Variants in TPTE2 observed in about 807,000 individuals in gnomAD.
TPTE2 encodes the protein phosphatidylinositol 3,4,5-trisphosphate 3-phosphatase TPTE2.
Under a neutral mutation model 78.6 loss-of-function variants are expected in TPTE2, and 53 were observed. The ratio of observed to expected loss-of-function variants is 0.67; its 90% CI spans 0.54 to 0.85. The LOEUF (loss-of-function observed/expected upper bound fraction) is 0.85, where lower values mean the gene tolerates loss of function less well. Among genes scored for constraint, TPTE2 ranks in the 40% least tolerant of loss-of-function variants. TPTE2 has a pLI of 0.00. For missense variants in TPTE2, 461 were observed against 623.0 expected, an observed-to-expected ratio of 0.74 and a Z score of 2.77; for synonymous variants, 175 against 206.2, an observed-to-expected ratio of 0.85 and a Z score of 1.30.
At chr13:19,509,314 C>T (rs2932160) in intron 1 of TPTE2, among the ~76,000 whole-genome samples, 30,206 of 151,856 alleles carry the variant, frequency 0.2, 4,288 homozygotes, top group African/African-American at 0.4. Flanking sequence ...AAGAAAAAAC[C>T]GTGGAGAAGA....
intron 3 of TPTE2, among the ~76,000 whole-genome samples, chr13:19,491,948 C>G (rs956895499): frequency 6.6e-6 from 1 of 152,146 alleles, no homozygotes; most frequent in African/African-American, 2.4e-5. Context: ...AACTCACATG[C>G]TATTGCTTAA....
upstream of TPTE2, among the ~76,000 whole-genome samples, chr13:19,538,200 T>C (rs113197111): frequency 0.026 from 4,033 of 152,258 alleles, 193 homozygotes; most frequent in African/African-American, 0.092. Context: ...CATAAAGATA[T>C]TCTCCTGTAT....
intron 6 of TPTE2, among the ~76,000 whole-genome samples, chr13:19,473,419 C>A (rs1365337143): frequency 6.6e-6 from 1 of 152,000 alleles, no homozygotes; most frequent in Non-Finnish European, 1.5e-5. Context: ...ACTCAAACCA[C>A]AAGATGCAGT....
At position 19,443,779 on chromosome 13, in the gene TPTE2, C is replaced by CACACACACACAG. The variant is rs34742234; in HGVS notation, c.974-5627_974-5626insCTGTGTGTGTGT. ...ACACACACACACACACACACACACA[C>CACACACACACAG]AGTCGTTAAGCAATTGGAGAGATGT... On this transcript the variant is annotated intron_variant, in intron 13 of 19. Coordinates refer to ENST00000400230, the Ensembl canonical transcript of TPTE2. 8.5e-4 allele frequency among the ~76,000 whole-genome samples: 124 copies of CACACACACACAG among 146,382 alleles called. 4 individuals carry two copies. Among genetic ancestry groups the CACACACACACAG allele is most frequent in the South Asian group, 2.2e-3 (10 of 4,600 alleles).
intron 1 of TPTE2, among the ~76,000 whole-genome samples, chr13:19,527,575 A>G (rs1389193746): frequency 6.6e-6 from 1 of 152,132 alleles, no homozygotes; most frequent in African/African-American, 2.4e-5. Flanking sequence ...GAAACAATGC[A>G]TAAAAGATCA....
At chr13:19,546,870 T>A in the TPTE2 span, among the ~76,000 whole-genome samples, 1 of 151,574 alleles carries the variant, frequency 6.6e-6, no homozygotes, top group Non-Finnish European at 1.5e-5. Context: ...AGTTAAGGAA[T>A]GTCCCCAGAG....
chr13:19,537,736 G>A (rs1457711597), upstream of TPTE2, among the ~76,000 whole-genome samples: 1 of 151,576 alleles, frequency 6.6e-6, no homozygotes, highest in Non-Finnish European at 1.5e-5. Context: ...CTGAGTAGCT[G>A]GGATTACAGG....
chr13:19,484,896 A>C lies in TPTE2; in HGVS notation c.120-2349T>G, dbSNP rs144191061. ...TTTACCGGTAAGATGAGTTTCTTTT[A>C]GATAAAATATAGTTAGGTCTTATTT... On this transcript the variant is annotated intron_variant, in intron 3 of 19. Transcript: ENST00000400230. Among the ~76,000 whole-genome samples the C allele has an allele frequency of 3.4e-4, 52 of 152,254 alleles. No individual in the cohort carries two copies. The East Asian group carries it at 9.8e-3, about 29-fold the overall frequency.
chr13:19,536,935 T>A (rs1307341190), upstream of TPTE2, among the ~76,000 whole-genome samples: 8 of 150,688 alleles, frequency 5.3e-5, no homozygotes, highest in Non-Finnish European at 1.0e-4. Flanking sequence ...GAATATGAAA[T>A]AAATGTTATA....
intron 6 of TPTE2, among the ~76,000 whole-genome samples, chr13:19,472,764 T>C (rs1412570093): frequency 6.6e-6 from 1 of 152,236 alleles, no homozygotes; most frequent in East Asian, 1.9e-4. Context: ...TAGGTATTTA[T>C]TGTAGTTTTC....
intron 15 of TPTE2, 140 bp from the exon 19 acceptor site, chr13:19,432,718 T>C (rs1876761404): frequency 2.2e-6 from 1 of 464,052 alleles, no homozygotes; most frequent in Admixed American, 3.8e-5. Context: ...ATTATATAAC[T>C]GGACATTTTT....
chr13:19,509,011 C>T (rs559008518), intron 1 of TPTE2, among the ~76,000 whole-genome samples: 1 of 152,224 alleles, frequency 6.6e-6, no homozygotes, highest in South Asian at 2.1e-4. Context: ...AAAAAACCCA[C>T]ATTTGAAACT....
chr13:19,477,442 C>T (rs1286020991), intron 4 of TPTE2, among the ~76,000 whole-genome samples: 3 of 152,102 alleles, frequency 2.0e-5, no homozygotes, highest in Non-Finnish European at 4.4e-5. Context: ...ATCCCCAATC[C>T]GTCTAATCTT....
At chr13:19,465,930 T>C (rs553494126) in intron 7 of TPTE2, among the ~76,000 whole-genome samples, 52 of 152,214 alleles carry the variant, frequency 3.4e-4, no homozygotes, top group Non-Finnish European at 6.6e-4. Context: ...CTCTTAGCAT[T>C]TGTAAATTTA....
At chr13:19,498,929 G>A (rs1053857986) in intron 1 of TPTE2, among the ~76,000 whole-genome samples, 56 of 152,074 alleles carry the variant, frequency 3.7e-4, no homozygotes, top group African/African-American at 1.3e-3. Flanking sequence ...ACACACATAG[G>A]CTCAAAATAA....
At chr13:19,527,858 C>T (rs1276948429) in intron 1 of TPTE2, among the ~76,000 whole-genome samples, 1 of 152,226 alleles carries the variant, frequency 6.6e-6, no homozygotes, top group East Asian at 1.9e-4. Flanking sequence ...TTGGTGTCCA[C>T]ATCCAGGTTA....
At chr13:19,536,216 G>A (rs898394786) in intron 1 of TPTE2, among the ~76,000 whole-genome samples, 16 of 151,934 alleles carry the variant, frequency 1.1e-4, no homozygotes, top group African/African-American at 2.7e-4. Context: ...TACTAATGAC[G>A]AGGCACTGCA....
chr13:19,535,679 T>C lies in TPTE2; in HGVS notation c.-44+917A>G, dbSNP rs1871176491. ...ACGGAGTCTCACTCTGTCACCAGGC[T>C]GGAGTGCAATGGTGTGACCTCAGCT... On this transcript the variant is annotated intron_variant, in intron 1 of 17. Coordinates refer to the TPTE2 transcript ENST00000390680. The surrounding 1 kb of genome is among the most constrained non-coding windows in gnomAD (Gnocchi z 5.1). Among the ~76,000 whole-genome samples, 1 of 151,820 alleles carries C rather than the reference T, an allele frequency of 6.6e-6. No homozygotes were observed. The highest frequency in any genetic ancestry group is 1.5e-5 in the Non-Finnish European group (1 of 67,964).
chr13:19,514,520 AAAAAT>A (rs1439717981), intron 1 of TPTE2, among the ~76,000 whole-genome samples: 1 of 151,800 alleles, frequency 6.6e-6, no homozygotes, highest in Non-Finnish European at 1.5e-5. Context: ...TCAGGACACA[AAAAAT>A]AAAATCGGAG....
Sources: allele counts gnomAD v4.1 joint callset (sites outside exome capture counted in the v4.1 genomes callset), GRCh38; gene constraint gnomAD v4.1.1; non-coding constraint Gnocchi (gnomAD v3.1); transcripts MANE v1.5; gene names NCBI Gene and HGNC (gene_info 2026-07-23, HGNC 2026-07-21).